PTPRT: variants seen among roughly 807,000 people sequenced by gnomAD.
PTPRT encodes receptor-type tyrosine-protein phosphatase T.
Under a neutral mutation model 176.8 loss-of-function variants are expected in PTPRT, and 56 were observed. That is an observed-to-expected ratio of 0.32 (90% CI 0.26 to 0.40). The LOEUF (loss-of-function observed/expected upper bound fraction) is 0.40, where lower values mean the gene tolerates loss of function less well. Among genes scored for constraint, PTPRT ranks in the 10% least tolerant of loss-of-function variants. The pLI is 1.00. For synonymous variants in PTPRT, 783 were observed against 739.0 expected (o/e 1.06, Z -0.96); for missense variants, 1,540 against 1,908.2 (o/e 0.81, Z 3.60).
intron 12 of PTPRT, among the ~76,000 whole-genome samples, chr20:42,297,712 C>T (rs770674377): frequency 6.6e-6 from 1 of 152,006 alleles, no homozygotes; most frequent in Non-Finnish European, 1.5e-5. Flanking sequence ...CAGAAAAACA[C>T]CCAAGAACAT....
intron 1 of PTPRT, 105 bp from the exon 2 acceptor site, chr20:42,886,037 G>T: frequency 1.3e-6 from 1 of 783,514 alleles, no homozygotes; most frequent in Non-Finnish European, 1.7e-6. Flanking sequence ...TTTAAACTCT[G>T]GAGAAGATTT....
chr20:42,339,090 T>G (rs1357207910), intron 11 of PTPRT, among the ~76,000 whole-genome samples: 4 of 152,058 alleles, frequency 2.6e-5, no homozygotes. Flanking sequence ...TTTTATAGAG[T>G]GAAAGTTGGA....
rs900233407 is a variant in PTPRT, at chr20:42,789,417, G to A, written c.486+1778C>T. On this transcript the variant is annotated intron_variant, in intron 3 of 30. Transcript: ENST00000373187. ...CTTAGACAGTGAAATCAAACAAAACGGGTAAAAAACAAGGCACTACCTCCG... is the reference window on the plus strand; with the variant it reads ...CTTAGACAGTGAAATCAAACAAAACAGGTAAAAAACAAGGCACTACCTCCG... 5.9e-5 allele frequency among the ~76,000 whole-genome samples: 9 copies of A among 152,246 alleles called. No individual in the cohort carries two copies. In the South Asian group the frequency reaches 1.5e-3, roughly 25 times the overall value.
At chr20:42,291,651 A>C (rs2057318178) in intron 12 of PTPRT, among the ~76,000 whole-genome samples, 1 of 152,102 alleles carries the variant, frequency 6.6e-6, no homozygotes, top group Admixed American at 6.6e-5. Context: ...CACAGGAAGC[A>C]TCAGGAAGGT....
At chr20:42,552,453 C>T (rs2072786658) in intron 7 of PTPRT, among the ~76,000 whole-genome samples, 2 of 151,916 alleles carry the variant, frequency 1.3e-5, no homozygotes, top group Non-Finnish European at 1.5e-5. Context: ...CAATCTTATC[C>T]CAAAATAAAT....
intron 2 of PTPRT, among the ~76,000 whole-genome samples, chr20:42,845,297 C>T (rs201919923): frequency 6.6e-6 from 1 of 151,854 alleles, no homozygotes; most frequent in Non-Finnish European, 1.5e-5. Context: ...AGTCACTTCT[C>T]CTGGATCTCA....
intron 9 of PTPRT, among the ~76,000 whole-genome samples, chr20:42,375,489 T>A (rs1404944828): frequency 6.6e-6 from 1 of 152,184 alleles, no homozygotes; most frequent in African/African-American, 2.4e-5. Flanking sequence ...CCTTCTGCCA[T>A]ATGAGGACAT....
rs2145523768 is a variant in PTPRT, at chr20:42,352,174, G to C, written c.1672C>G (p.Pro558Ala). The change falls in exon 10 of 31, where the codon CCA (proline) becomes GCA (alanine). Residue 558 changes from proline (P) to alanine (A), a missense_variant. Around this residue, in one of 11 missense-constraint regions of PTPRT, gnomAD observed 136 missense variants for 135.0 expected, o/e 1.01. Coordinates refer to ENST00000373187, the MANE Select transcript of PTPRT (RefSeq NM_007050.6). Reference sequence around the variant, plus strand: ...ATGGTGAAGGAATAGGTGGTCCCTGGGTACAGACCCACAAAGAGGTGGTGG... The same window carrying C: ...ATGGTGAAGGAATAGGTGGTCCCTGCGTACAGACCCACAAAGAGGTGGTGG... ...ETHHLFVGLY[P>A]GTTYSFTIKA... 1 of 1,614,154 alleles carries C rather than the reference G, an allele frequency of 6.2e-7. No individual in the cohort carries two copies. Among genetic ancestry groups the C allele is most frequent in the Non-Finnish European group, 8.5e-7 (1 of 1,180,036 alleles).
downstream of PTPRT, among the ~76,000 whole-genome samples, chr20:42,072,140 A>G (rs1027254937): frequency 1.3e-5 from 2 of 152,174 alleles, no homozygotes; most frequent in African/African-American, 2.4e-5. Flanking sequence ...TGCTCCTGCT[A>G]TTATCATGAG....
At chr20:42,291,911 T>A (rs181156011) in intron 12 of PTPRT, among the ~76,000 whole-genome samples, 1 of 152,206 alleles carries the variant, frequency 6.6e-6, no homozygotes, top group East Asian at 1.9e-4. Context: ...AGGTTTAAAA[T>A]TTTTAAAGGT....
chr20:42,803,706 A>G (rs2077564052), intron 2 of PTPRT, among the ~76,000 whole-genome samples: 1 of 152,194 alleles, frequency 6.6e-6, no homozygotes, highest in Non-Finnish European at 1.5e-5. Context: ...GGCATGTGCC[A>G]TCATACCCAG....
chr20:43,116,735 A>G (rs1449589169), intron 1 of PTPRT, among the ~76,000 whole-genome samples: 1 of 152,166 alleles, frequency 6.6e-6, no homozygotes, highest in East Asian at 1.9e-4. Flanking sequence ...CCACAAATGT[A>G]GGTACTTCTA....
chr20:42,924,009 TAATTTTTGG>T (rs1979329406), intron 1 of PTPRT, among the ~76,000 whole-genome samples: 1 of 152,152 alleles, frequency 6.6e-6, no homozygotes, highest in African/African-American at 2.4e-5. Flanking sequence ...CATGCCTGGC[TAATTTTTGG>T]TATTTTTAGT....
chr20:42,187,114 A>C (rs1447889144), intron 16 of PTPRT, among the ~76,000 whole-genome samples: 1 of 152,110 alleles, frequency 6.6e-6, no homozygotes, highest in Non-Finnish European at 1.5e-5. Context: ...CAGCTCCCCC[A>C]CCCTCACTGG....
intron 15 of PTPRT, among the ~76,000 whole-genome samples, chr20:42,212,704 G>A (rs2055673571): frequency 6.6e-6 from 1 of 152,094 alleles, no homozygotes; most frequent in African/African-American, 2.4e-5. Context: ...AGGATTGAAT[G>A]GTATGTTGCT....
chr20:42,699,564 A>G (rs1001477490), intron 6 of PTPRT, among the ~76,000 whole-genome samples: 9 of 152,358 alleles, frequency 5.9e-5, no homozygotes, highest in African/African-American at 2.2e-4. Flanking sequence ...TTAAAAAGCA[A>G]TAATATGAAA....
intron 8 of PTPRT, among the ~76,000 whole-genome samples, chr20:42,452,111 A>T (rs1180941837): frequency 1.3e-5 from 2 of 152,096 alleles, no homozygotes; most frequent in Non-Finnish European, 2.9e-5. Context: ...TTTACTAAAA[A>T]TACAAAAATT....
At chr20:42,887,697 A>G (rs79877367) in intron 1 of PTPRT, among the ~76,000 whole-genome samples, 2,863 of 152,270 alleles carry the variant, frequency 0.019, 102 homozygotes, top group African/African-American at 0.065. Flanking sequence ...CAGTCCAAAC[A>G]CCATGGAAGA....
intron 8 of PTPRT, among the ~76,000 whole-genome samples, chr20:42,464,377 A>G (rs1398036751): frequency 6.6e-6 from 1 of 152,200 alleles, no homozygotes; most frequent in Non-Finnish European, 1.5e-5. Context: ...AGCATGAGGT[A>G]GAGAAAAATA....
Sources: allele counts gnomAD v4.1 joint callset (sites outside exome capture counted in the v4.1 genomes callset), GRCh38; gene constraint gnomAD v4.1.1; regional missense constraint gnomAD v4.1.1; transcripts MANE v1.5; gene names NCBI Gene and HGNC (gene_info 2026-07-23, HGNC 2026-07-21).